Variants in CCDC191 observed in about 807,000 individuals in gnomAD.
CCDC191 encodes coiled-coil domain containing 191.
In CCDC191, 99 loss-of-function variants were observed where a neutral mutation model predicts 114.0. The observed-to-expected ratio is 0.87, with a 90% CI of 0.74 to 1.03. The LOEUF is 1.03. CCDC191 is among the 50% of genes least tolerant of loss of function. The pLI, the probability that CCDC191 is intolerant of heterozygous loss-of-function variation, is 0.00. For missense variants in CCDC191, 973 were observed against 1,087.0 expected (o/e 0.90, Z 1.47); for synonymous variants, 351 against 376.0 (o/e 0.93, Z 0.77).
Position 114,041,108 on chromosome 3 carries a change from A to G in CCDC191, c.415+1595T>C, listed in dbSNP as rs2076553678. Reference sequence around the variant, plus strand: ...TATCAACCAATCTAAGTAAAGGGATATAATTAGATCTATTAGTACTATATC... The same window carrying G: ...TATCAACCAATCTAAGTAAAGGGATGTAATTAGATCTATTAGTACTATATC... On this transcript the variant is annotated intron_variant, in intron 4 of 16. Coordinates refer to ENST00000295878, the MANE Select transcript of CCDC191 (RefSeq NM_020817.2). Among the ~76,000 whole-genome samples the G allele has an allele frequency of 2.6e-5, 4 of 152,224 alleles. No individual in the cohort carries two copies. In the East Asian group the frequency reaches 7.7e-4, roughly 29 times the overall value.
intron 1 of CCDC191, among the ~76,000 whole-genome samples, chr3:114,054,481 C>CA (rs1213444815): frequency 2.0e-5 from 3 of 151,892 alleles, no homozygotes; most frequent in Non-Finnish European, 4.4e-5. Context: ...AAAAAAAATA[C>CA]AAAAAATTAA....
intron 2 of CCDC191, among the ~76,000 whole-genome samples, chr3:114,050,365 G>A (rs2076684094): frequency 6.6e-6 from 1 of 152,214 alleles, no homozygotes; most frequent in South Asian, 2.1e-4. Context: ...AAATAGTTCT[G>A]TGAGTAATAA....
At position 114,005,962 on chromosome 3, in the gene CCDC191, C is replaced by T; in HGVS notation, c.1414G>A (p.Glu472Lys). The T allele has an allele frequency of 6.2e-7, 1 of 1,612,824 alleles. No individual in the cohort carries two copies. The highest frequency in any genetic ancestry group is 2.2e-5 in the East Asian group (1 of 44,864). The stretch of plus-strand genomic sequence containing the variant: ...TCCCACAAAGGGGGCACAGCAGTCT[C>T]CTGAGAGAGAGAAACATGTTATAGC... ...MVGPPVKNGQ[E>K]TAVPPLWEKP... The change falls in exon 10 of 17, where the codon GAG becomes AAG. Residue 472 changes from glutamate (E) to lysine (K), a missense_variant and splice_region_variant. Glu to Lys is a moderately conservative substitution (Grantham distance 56). Coordinates refer to ENST00000295878, the MANE Select transcript of CCDC191 (RefSeq NM_020817.2).
rs144400258 is a variant in CCDC191 at position 113,999,014 on chromosome 3, TTA to T, written c.2163+2579_2163+2580del. 3.4e-3 allele frequency among the ~76,000 whole-genome samples: 523 copies of T among 152,282 alleles called. 2 individuals carry two copies. Among genetic ancestry groups the T allele is most frequent in the African/African-American group, 0.012 (503 of 41,554 alleles). ...AACAATGGAATAGCCCTTTGAAGAC[TTA>T]GTTATAGCACCAGCTAGGTGGCAAT... On this transcript the variant is annotated intron_variant, in intron 13 of 16. Coordinates refer to ENST00000295878, the MANE Select transcript of CCDC191 (RefSeq NM_020817.2).
At chr3:113,994,406 A>G (rs78618890) in intron 13 of CCDC191, among the ~76,000 whole-genome samples, 2 of 152,264 alleles carry the variant, frequency 1.3e-5, no homozygotes, top group East Asian at 1.9e-4. Flanking sequence ...GCTGATGAGG[A>G]TGTGCAACAA....
intron 7 of CCDC191, among the ~76,000 whole-genome samples, chr3:114,024,932 T>C (rs1025499442): frequency 6.6e-6 from 1 of 152,148 alleles, no homozygotes; most frequent in Non-Finnish European, 1.5e-5. Flanking sequence ...GTAAAAGCAA[T>C]ACCCCATGAC....
chr3:114,046,704 A>G lies in CCDC191; in HGVS notation c.158T>C (p.Val53Ala), dbSNP rs766327847. Residue 53 changes from valine to alanine, a missense_variant, in exon 3 of 17, where the codon GTG becomes GCG. Val to Ala is a moderately conservative substitution (Grantham distance 64, BLOSUM62 0). Transcript: ENST00000295878. ...KRVEKASEFA[V>A]SNAFFTRNSD... Reference sequence around the variant, plus strand: ...ATTTCTAGTAAAAAATGCATTTGACACTGCAAACTCTGAGGCTTTCTCCAC... The same window carrying G: ...ATTTCTAGTAAAAAATGCATTTGACGCTGCAAACTCTGAGGCTTTCTCCAC... 6 of 1,612,394 alleles carry G rather than the reference A, an allele frequency of 3.7e-6. No individual in the cohort carries two copies.
chr3:114,051,530 C>T (rs751533743), intron 2 of CCDC191, among the ~76,000 whole-genome samples: 5 of 152,170 alleles, frequency 3.3e-5, no homozygotes, highest in Non-Finnish European at 5.9e-5. Context: ...GAGTTTGAGA[C>T]TAGCCTGGGC....
chr3:114,036,777 C>A lies in CCDC191; in HGVS notation c.425G>T (p.Gly142Val). 6.5e-7 allele frequency: 1 copy of A among 1,539,762 alleles called. No individual in the cohort carries two copies. Among genetic ancestry groups the A allele is most frequent in the Admixed American group, 1.9e-5 (1 of 52,600 alleles). ...ACTTTCCTCTTCTTCCTCCAAATAG[C>A]CACATAAATCTGGGGGAAACAGAAC... ...LKYDKFDDLCGYLEEEEESTT... is the reference protein window; with the variant it reads ...LKYDKFDDLCVYLEEEEESTT... Residue 142 changes from glycine to valine, a missense_variant, in exon 5 of 17, where the codon GGC becomes GTC. Physicochemically the swap from Gly to Val is moderately radical, Grantham distance 109. Transcript: ENST00000295878.
chr3:113,965,376 G>C lies in CCDC191; in HGVS notation c.2607-17C>G. On this transcript the variant is annotated splice_polypyrimidine_tract_variant and intron_variant, in intron 16 of 16. Transcript: ENST00000295878. ...AGGATCCTCCTTTAAGAATAAAGAA[G>C]GAAAAAAGTGAAATGTTGAGAAAAA... The C allele has an allele frequency of 1.3e-6, 2 of 1,493,036 alleles. No individual in the cohort carries two copies. Among genetic ancestry groups the C allele is most frequent in the Non-Finnish European group, 9.0e-7 (1 of 1,110,238 alleles). The allele number at this position is 1,493,036 out of a possible 1,614,324, so 92.5% of individuals were successfully genotyped here. A position where few individuals can be genotyped will look rare whatever the true frequency, so the allele number is the denominator to read the frequency against.
intron 16 of CCDC191, among the ~76,000 whole-genome samples, 160 bp downstream of exon 16, chr3:113,978,026 T>C (rs1285246819): frequency 6.6e-6 from 1 of 151,862 alleles, no homozygotes; most frequent in Non-Finnish European, 1.5e-5. Context: ...TCCCAGGGGG[T>C]TTATTACATT....
chr3:113,978,081 C>G, intron 16 of CCDC191, 105 bp downstream of exon 16: 2 of 1,320,652 alleles, frequency 1.5e-6, no homozygotes, highest in South Asian at 2.6e-5. Flanking sequence ...TTTCCCCGCT[C>G]TCCTAGCCTC....
intron 7 of CCDC191, among the ~76,000 whole-genome samples, chr3:114,024,699 G>A (rs1250043360): frequency 6.6e-6 from 1 of 152,046 alleles, no homozygotes; most frequent in Non-Finnish European, 1.5e-5. Flanking sequence ...AGGGGCTGTT[G>A]TGGGGTAGGG....
At chr3:114,018,409 G>A (rs980711999) in intron 8 of CCDC191, among the ~76,000 whole-genome samples, 6 of 151,696 alleles carry the variant, frequency 4.0e-5, no homozygotes, top group Admixed American at 1.3e-4. Context: ...TCCTAGGCTC[G>A]AGTGATCCTT....
intron 16 of CCDC191, among the ~76,000 whole-genome samples, chr3:113,976,369 C>CA (rs1288405627): frequency 1.3e-5 from 2 of 151,838 alleles, no homozygotes; most frequent in African/African-American, 4.8e-5. Context: ...GTTTTAGGGT[C>CA]AAAAAACCTA....
intron 13 of CCDC191, among the ~76,000 whole-genome samples, chr3:113,988,863 G>A (rs1045424808): frequency 6.6e-5 from 10 of 151,636 alleles, no homozygotes; most frequent in Admixed American, 1.3e-4. Context: ...GCTCAATCTC[G>A]GCTCACTGCA....
chr3:114,006,587 G>GATATATATATATATATATATATATATAT (rs67264886), intron 9 of CCDC191, among the ~76,000 whole-genome samples: 15 of 82,608 alleles, frequency 1.8e-4, no homozygotes, highest in East Asian at 7.7e-4. Flanking sequence ...GGTTACTCCA[G>GATATATATATATATATATATATATATAT]ATATATATAT....
intron 14 of CCDC191, 130 bp from the exon 15 acceptor site, chr3:113,979,140 C>A: frequency 1.2e-6 from 1 of 802,450 alleles, no homozygotes; most frequent in Non-Finnish European, 2.0e-6. Context: ...AAGGTACATG[C>A]AGCCTGTGTC....
At chr3:113,984,792 T>C (rs1176998383) in intron 13 of CCDC191, 1 of 152,218 alleles carries the variant, frequency 6.6e-6, no homozygotes, top group Admixed American at 6.5e-5. Context: ...CTTGATATAG[T>C]GAGAGAAATA....
Sources: gnomAD v4.1 joint callset for allele counts (sites outside exome capture counted in the v4.1 genomes callset) on GRCh38, gnomAD v4.1.1 for gene constraint, MANE v1.5 for transcripts, NCBI Gene and HGNC (gene_info 2026-07-23, HGNC 2026-07-21) for gene names.